REV1: variants seen among roughly 807,000 people sequenced by gnomAD.
REV1 encodes the protein translesion synthesis protein REV1.
REV1 carries 42 observed loss-of-function variants against 137.4 expected under a neutral mutation model. The ratio of observed to expected loss-of-function variants is 0.31; its 90% confidence interval spans 0.24 to 0.40. REV1 has a LOEUF of 0.40. REV1 is among the 10% of genes least tolerant of loss of function. REV1 has a pLI of 1.00. For synonymous variants in REV1, 524 were observed against 519.2 expected (o/e 1.01, Z -0.12); for missense variants, 1,282 against 1,490.1 (o/e 0.86, Z 2.30).
chr2:99,413,772 G>A (rs1028634045), intron 12 of REV1, among the ~76,000 whole-genome samples: 3 of 152,092 alleles, frequency 2.0e-5, no homozygotes, highest in Non-Finnish European at 4.4e-5. Context: ...GAGTAACTGA[G>A]GGAAACTATA....
chr2:99,402,655 G>A lies in REV1; in HGVS notation c.3530C>T (p.Thr1177Ile). The A allele has an allele frequency of 1.2e-6, 2 of 1,613,818 alleles. No individual in the cohort carries two copies. Among genetic ancestry groups the A allele is most frequent in the Non-Finnish European group, 1.7e-6 (2 of 1,179,830 alleles). Residue 1177 changes from threonine to isoleucine, a missense_variant, in exon 21 of 23, where the codon ACT becomes ATT. Coordinates refer to ENST00000258428, the MANE Select transcript of REV1 (RefSeq NM_016316.4). ...CAGGCCAAGCCAACCTGAAATTGTA[G>A]TTATCCATTCTCTGAGCAAGGTCTT... ...DVKTLLREWITTISDPMEEDI... is the reference protein window; with the variant it reads ...DVKTLLREWIITISDPMEEDI...
intron 1 of REV1, among the ~76,000 whole-genome samples, chr2:99,484,227 G>A (rs796950192): frequency 1.4e-4 from 22 of 152,296 alleles, no homozygotes; most frequent in African/African-American, 3.6e-4. Context: ...CTACTTAAGC[G>A]TGGAGGGTGG....
chr2:99,463,933 A>G (rs1254182320), intron 2 of REV1, among the ~76,000 whole-genome samples: 1 of 152,092 alleles, frequency 6.6e-6, no homozygotes, highest in African/African-American at 2.4e-5. Flanking sequence ...CTCAGAGCAT[A>G]TTTTAGACTG....
intron 3 of REV1, among the ~76,000 whole-genome samples, chr2:99,454,571 A>ACCC (rs1244266715): frequency 6.9e-6 from 1 of 144,962 alleles, no homozygotes; most frequent in Non-Finnish European, 1.5e-5. Flanking sequence ...AAAAAAAAAA[A>ACCC]AAAAAAAAAA....
Position 99,403,782 on chromosome 2 carries a change from C to T in REV1, c.3079G>A (p.Glu1027Lys), listed in dbSNP as rs1193327225. Residue 1027 changes from glutamate to lysine, a missense_variant, in exon 19 of 23, where the codon GAA becomes AAA. By Grantham distance (56) the Glu-to-Lys change is moderately conservative. Around this residue, in one of 7 missense-constraint regions of REV1, gnomAD observed 23 missense variants for 46.3 expected, o/e 0.50. Coordinates refer to ENST00000258428, the MANE Select transcript of REV1 (RefSeq NM_016316.4). The part of the protein sequence containing the change: ...DPEVFAALPA[E>K]LQRELKAAYD... ...GCTGCTTTCAGCTCCCTCTGAAGTT[C>T]AGCAGGAAGGGCAGCAAATACCTCA... is the stretch of plus-strand genomic sequence containing the variant. 6.2e-6 allele frequency: 10 copies of T among 1,614,170 alleles called. No individual in the cohort carries two copies. The highest frequency in any genetic ancestry group is 8.5e-6 in the Non-Finnish European group (10 of 1,180,016).
At chr2:99,404,006 A>G (rs1675895213) in intron 18 of REV1, among the ~76,000 whole-genome samples, 191 bp from the exon 19 acceptor site, 1 of 151,498 alleles carries the variant, frequency 6.6e-6, no homozygotes. Context: ...ATTAAGAGCA[A>G]GAATAAGGAA....
intron 1 of REV1, among the ~76,000 whole-genome samples, chr2:99,476,514 C>T (rs1182438600): frequency 6.6e-6 from 1 of 151,994 alleles, no homozygotes; most frequent in African/African-American, 2.4e-5. Context: ...CCAGATTGCG[C>T]CATTGCACTC....
intron 9 of REV1, among the ~76,000 whole-genome samples, chr2:99,425,810 G>A (rs1679263616): frequency 6.6e-6 from 1 of 151,124 alleles, no homozygotes. Flanking sequence ...GCCGAGGCAG[G>A]CAGATCACCT....
intron 3 of REV1, among the ~76,000 whole-genome samples, chr2:99,450,125 A>G (rs1261144532): frequency 1.3e-5 from 2 of 152,200 alleles, no homozygotes; most frequent in African/African-American, 4.8e-5. Flanking sequence ...AAAGTCCAGC[A>G]AAACAAAAAA....
At chr2:99,440,601 A>G (rs1284209732) in intron 5 of REV1, among the ~76,000 whole-genome samples, 2 of 152,228 alleles carry the variant, frequency 1.3e-5, no homozygotes, top group Non-Finnish European at 2.9e-5. Context: ...GACAAAGTAG[A>G]TATGATTAAA....
At chr2:99,453,855 T>C (rs1304027976) in intron 3 of REV1, among the ~76,000 whole-genome samples, 2 of 127,984 alleles carry the variant, frequency 1.6e-5, no homozygotes, top group Non-Finnish European at 3.1e-5. Context: ...ATCACGCCAC[T>C]GCACTCCAGC....
chr2:99,418,787 A>T, intron 12 of REV1, 41 bp downstream of exon 12: 1 of 1,565,706 alleles, frequency 6.4e-7, no homozygotes, highest in Non-Finnish European at 8.8e-7. Flanking sequence ...AAGTACTTGT[A>T]ATGCCTGTAA....
At chr2:99,404,158 T>C (rs1675916972) in intron 18 of REV1, among the ~76,000 whole-genome samples, 1 of 152,156 alleles carries the variant, frequency 6.6e-6, no homozygotes, top group Non-Finnish European at 1.5e-5. Flanking sequence ...TCCGCTCTGT[T>C]GTATTCAAGT....
At position 99,400,517 on chromosome 2, in the gene REV1, TATAAC is replaced by T. The variant is rs869156898; in HGVS notation, c.*719_*723del. On this transcript the variant is annotated 3_prime_UTR_variant, in exon 23 of 23. Coordinates refer to ENST00000258428, the MANE Select transcript of REV1 (RefSeq NM_016316.4). ...TTTATTTTAAAGTTATGGCATAACA[TATAAC>T]ATAAAAATATTTTATATACGTTTGA... is the stretch of plus-strand genomic sequence containing the variant. The T allele has an allele frequency of 9.8e-5, 15 of 152,330 alleles. No individual in the cohort carries two copies. The highest frequency in any genetic ancestry group is 3.1e-4 in the African/African-American group (13 of 41,580). The allele number at this position is 152,330 out of a possible 1,614,324, so 9.4% of individuals were successfully genotyped here. A position where few individuals can be genotyped will look rare whatever the true frequency, so the allele number is the denominator to read the frequency against.
intron 1 of REV1, among the ~76,000 whole-genome samples, chr2:99,469,221 C>T (rs756873478): frequency 1.3e-5 from 2 of 152,054 alleles, no homozygotes; most frequent in Non-Finnish European, 2.9e-5. Flanking sequence ...TTTTTTCCCC[C>T]GTAAGTTTTA....
intron 10 of REV1, among the ~76,000 whole-genome samples, chr2:99,423,340 T>C (rs1005155437): frequency 2.9e-4 from 44 of 152,330 alleles, no homozygotes; most frequent in African/African-American, 8.4e-4. Flanking sequence ...GCCCAGGAGT[T>C]GACAAACCTT....
chr2:99,461,864 G>T (rs959929), intron 3 of REV1, among the ~76,000 whole-genome samples: 1 of 152,014 alleles, frequency 6.6e-6, no homozygotes, highest in African/African-American at 2.4e-5. Context: ...AACAGGCAAA[G>T]AAGCATTTGC....
At chr2:99,408,211 A>T in intron 14 of REV1, 80 bp from the exon 15 acceptor site, 1 of 711,540 alleles carries the variant, frequency 1.4e-6, no homozygotes, top group Non-Finnish European at 2.2e-6. Flanking sequence ...AACTGTTTAA[A>T]AGAGTTATAG....
chr2:99,483,630 CAA>C (rs891215001), intron 1 of REV1, among the ~76,000 whole-genome samples: 3 of 152,138 alleles, frequency 2.0e-5, no homozygotes, highest in African/African-American at 7.2e-5. Flanking sequence ...TAATAGAGGA[CAA>C]AATTTTTTTC....
Sources: allele counts gnomAD v4.1 joint callset (sites outside exome capture counted in the v4.1 genomes callset), GRCh38; gene constraint gnomAD v4.1.1; regional missense constraint gnomAD v4.1.1; transcripts MANE v1.5; gene names NCBI Gene and HGNC (gene_info 2026-07-23, HGNC 2026-07-21).